The following DGKB variants were observed in gnomAD, a reference collection of about 807,000 sequenced individuals.
DGKB encodes 90 kDa diacylglycerol kinase.
DGKB carries 67 observed loss-of-function variants against 114.3 expected under a neutral mutation model. The ratio of observed to expected loss-of-function variants is 0.59; its 90% CI spans 0.48 to 0.72. The LOEUF (loss-of-function observed/expected upper bound fraction) is 0.72. Ranked by LOEUF, DGKB falls within the 30% of genes least tolerant of loss-of-function variation. DGKB has a pLI of 0.00. For missense variants in DGKB, 907 were observed against 975.2 expected (o/e 0.93, Z 0.93); for synonymous variants, 398 against 323.1 (o/e 1.23, Z -2.49).
intron 1 of DGKB, among the ~76,000 whole-genome samples, chr7:14,971,774 T>A (rs1304274466): frequency 6.6e-6 from 1 of 151,820 alleles, no homozygotes; most frequent in Non-Finnish European, 1.5e-5. Flanking sequence ...TTTTTTTTTT[T>A]TTTTTGAGGT....
At chr7:14,773,418 T>A (rs1433142317) in intron 2 of DGKB, among the ~76,000 whole-genome samples, 1 of 152,046 alleles carries the variant, frequency 6.6e-6, no homozygotes, top group Non-Finnish European at 1.5e-5. Flanking sequence ...ATTCAGATAA[T>A]GAAGGATATA....
chr7:14,591,334 T>A (rs1002748079), intron 17 of DGKB, among the ~76,000 whole-genome samples: 2 of 152,308 alleles, frequency 1.3e-5, no homozygotes, highest in Admixed American at 6.6e-5. Flanking sequence ...AATGAAATCA[T>A]GCTTGGGTCC....
chr7:14,359,453 C>G (rs892157238), intron 21 of DGKB, among the ~76,000 whole-genome samples: 1 of 152,090 alleles, frequency 6.6e-6, no homozygotes, highest in African/African-American at 2.4e-5. Flanking sequence ...CAACAAAAGC[C>G]AAAATTGAAA....
At chr7:14,334,977 G>C (rs1311606784) in intron 23 of DGKB, among the ~76,000 whole-genome samples, 1 of 152,156 alleles carries the variant, frequency 6.6e-6, no homozygotes, top group East Asian at 1.9e-4. Flanking sequence ...CATTAGTTGA[G>C]TGTGAGTGTG....
chr7:14,296,141 C>T (rs1486596329), intron 23 of DGKB, among the ~76,000 whole-genome samples: 1 of 151,630 alleles, frequency 6.6e-6, no homozygotes, highest in Admixed American at 6.6e-5. Context: ...AAGCAATTAT[C>T]CTGCCTCAGA....
At chr7:14,357,034 A>T (rs1216985269) in intron 21 of DGKB, among the ~76,000 whole-genome samples, 1 of 152,170 alleles carries the variant, frequency 6.6e-6, no homozygotes, top group Non-Finnish European at 1.5e-5. Flanking sequence ...TCAATTTTGG[A>T]ATAAGTGCAA....
chr7:14,397,758 C>A (rs1456944195), intron 21 of DGKB, among the ~76,000 whole-genome samples: 1 of 151,120 alleles, frequency 6.6e-6, no homozygotes, highest in Non-Finnish European at 1.5e-5. Context: ...AGCTTTCATG[C>A]AAAAAAAAGT....
At chr7:14,808,154 T>C (rs1310503916) in intron 2 of DGKB, among the ~76,000 whole-genome samples, 1 of 152,050 alleles carries the variant, frequency 6.6e-6, no homozygotes, top group Non-Finnish European at 1.5e-5. Flanking sequence ...TGTTTTATTA[T>C]AGACTAACAA....
chr7:14,458,844 C>T lies in DGKB; in HGVS notation c.1835+19317G>A, dbSNP rs780662607. Among the ~76,000 whole-genome samples the T allele has an allele frequency of 2.0e-5, 3 of 152,104 alleles. No individual in the cohort carries two copies. In the East Asian group the frequency reaches 5.8e-4, roughly 29 times the overall value. Reference sequence around the variant, plus strand: ...ACCCTGGTGGCGCCTGGAATACCAGCAAGACAGAACCGTTCACTCTCCTGG... The same window carrying T: ...ACCCTGGTGGCGCCTGGAATACCAGTAAGACAGAACCGTTCACTCTCCTGG... On this transcript the variant is annotated intron_variant, in intron 21 of 25. Coordinates refer to ENST00000402815, the MANE Select transcript of DGKB (RefSeq NM_001350709.2).
At chr7:14,154,685 T>TA (rs148340926) in intron 25 of DGKB, among the ~76,000 whole-genome samples, 9,754 of 143,450 alleles carry the variant, frequency 0.068, 538 homozygotes, top group East Asian at 0.17. Context: ...AACTAATCCA[T>TA]AAAAAAAAAA....
intron 21 of DGKB, among the ~76,000 whole-genome samples, chr7:14,407,656 T>C (rs1824163815): frequency 6.6e-6 from 1 of 152,078 alleles, no homozygotes; most frequent in Admixed American, 6.6e-5. Flanking sequence ...AACTGAAAAC[T>C]GAAATTAATA....
At chr7:14,687,450 T>C (rs1373431443) in intron 9 of DGKB, among the ~76,000 whole-genome samples, 1 of 152,172 alleles carries the variant, frequency 6.6e-6, no homozygotes, top group African/African-American at 2.4e-5. Context: ...TATTAATTTC[T>C]GAATTTCCTA....
At chr7:14,743,097 T>C (rs556758797) in intron 4 of DGKB, among the ~76,000 whole-genome samples, 1 of 152,318 alleles carries the variant, frequency 6.6e-6, no homozygotes, top group East Asian at 1.9e-4. Context: ...TGTAAAGGGT[T>C]ATAAAAGGTT....
intron 21 of DGKB, among the ~76,000 whole-genome samples, chr7:14,466,443 G>A (rs1780484288): frequency 6.6e-6 from 1 of 152,118 alleles, no homozygotes; most frequent in African/African-American, 2.4e-5. Context: ...AGCAAGACCA[G>A]TTAACACCTT....
chr7:14,929,348 A>G lies in DGKB; in HGVS notation c.-188+45348T>C, dbSNP rs1160913568. 3.9e-5 allele frequency among the ~76,000 whole-genome samples: 6 copies of G among 152,126 alleles called. No homozygotes were observed. The East Asian group carries it at 1.2e-3, about 29-fold the overall frequency. On this transcript the variant is annotated intron_variant, in intron 1 of 4. Transcript: ENST00000437998. ...GGTTGTACTAAAGTACTTTCCCATC[A>G]ACAGTGTATAAATGTTCCATTATCT...
chr7:14,596,093 C>T (rs980132382), intron 17 of DGKB, among the ~76,000 whole-genome samples: 1 of 152,058 alleles, frequency 6.6e-6, no homozygotes, highest in African/African-American at 2.4e-5. Flanking sequence ...GGCGATATTT[C>T]ATAGAGATTT....
chr7:14,689,744 C>T (rs1822482850), intron 9 of DGKB, among the ~76,000 whole-genome samples: 1 of 152,162 alleles, frequency 6.6e-6, no homozygotes, highest in Non-Finnish European at 1.5e-5. Flanking sequence ...AAAGTATAGA[C>T]AGCAGAACAA....
At chr7:14,440,259 A>G (rs1829894565) in intron 21 of DGKB, among the ~76,000 whole-genome samples, 1 of 152,142 alleles carries the variant, frequency 6.6e-6, no homozygotes, top group Non-Finnish European at 1.5e-5. Flanking sequence ...GACTGCCCTC[A>G]GCATTCCTTC....
chr7:14,570,623 T>G (rs1363275283), intron 20 of DGKB, among the ~76,000 whole-genome samples: 1 of 152,032 alleles, frequency 6.6e-6, no homozygotes, highest in Non-Finnish European at 1.5e-5. Context: ...GTTAAGAAAA[T>G]TATAAGAAAG....
Sources: gnomAD v4.1 joint callset for allele counts (sites outside exome capture counted in the v4.1 genomes callset) on GRCh38, gnomAD v4.1.1 for gene constraint, MANE v1.5 for transcripts, NCBI Gene and HGNC (gene_info 2026-07-23, HGNC 2026-07-21) for gene names.